The following TEC variants were observed in gnomAD, a reference collection of about 807,000 sequenced individuals.
The protein encoded by TEC is tyrosine-protein kinase Tec.
Under a neutral mutation model 93.0 loss-of-function variants are expected in TEC, and 72 were observed. That is an observed-to-expected ratio of 0.77 (90% confidence interval 0.64 to 0.94). TEC has a LOEUF of 0.94. Ranked by LOEUF, TEC falls within the 40% of genes least tolerant of loss-of-function variation. The pLI, the probability that TEC is intolerant of heterozygous loss-of-function variation, is 0.00. For synonymous variants in TEC, 249 were observed against 247.7 expected (o/e 1.01, Z -0.05); for missense variants, 630 against 757.9 (o/e 0.83, Z 1.98).
intron 8 of TEC, among the ~76,000 whole-genome samples, chr4:48,158,416 T>C (rs1720485825): frequency 6.6e-6 from 1 of 152,224 alleles, no homozygotes; most frequent in African/African-American, 2.4e-5. Context: ...AAATTGCAGT[T>C]GTGATCAATA....
At chr4:48,252,000 T>C (rs1159542940) in intron 1 of TEC, among the ~76,000 whole-genome samples, 1 of 152,160 alleles carries the variant, frequency 6.6e-6, no homozygotes, top group African/African-American at 2.4e-5. Flanking sequence ...AAAGACCAAC[T>C]GATTCTGAGA....
chr4:48,223,642 TA>T (rs1723338722), intron 2 of TEC, among the ~76,000 whole-genome samples: 1 of 152,214 alleles, frequency 6.6e-6, no homozygotes, highest in Admixed American at 6.5e-5. Flanking sequence ...TTTTTACTAC[TA>T]ATGTGCAGAA....
At chr4:48,141,685 C>CAT in intron 14 of TEC, 1 of 202,952 alleles carries the variant, frequency 4.9e-6, no homozygotes, top group Non-Finnish European at 9.2e-6. Context: ...TCTTTTCTTT[C>CAT]TTTTTTTTTT....
chr4:48,216,476 TA>T (rs1280915448), intron 2 of TEC, among the ~76,000 whole-genome samples: 2 of 151,392 alleles, frequency 1.3e-5, no homozygotes, highest in Admixed American at 1.3e-4. Context: ...CAACTCAAGT[TA>T]CACAAATTGT....
chr4:48,173,865 T>C (rs765435927), intron 3 of TEC, among the ~76,000 whole-genome samples: 5 of 152,166 alleles, frequency 3.3e-5, no homozygotes, highest in Non-Finnish European at 7.3e-5. Context: ...GGAGCAACCA[T>C]CCCATCTAGG....
chr4:48,220,093 C>T (rs138421624), intron 2 of TEC, among the ~76,000 whole-genome samples: 295 of 151,612 alleles, frequency 1.9e-3, no homozygotes, highest in Non-Finnish European at 3.0e-3. Context: ...TCACAACATA[C>T]ATAAATCCTA....
chr4:48,141,502 T>G lies in TEC; in HGVS notation c.1471-83A>C, dbSNP rs942744423. 7 of 1,375,302 alleles carry G rather than the reference T, an allele frequency of 5.1e-6. No homozygotes were observed. The African/African-American group carries it at 8.7e-5, about 17-fold the overall frequency. The allele number at this position is 1,375,302 out of a possible 1,614,324, so 85.2% of individuals were successfully genotyped here. A position where few individuals can be genotyped will look rare whatever the true frequency, so the allele number is the denominator to read the frequency against. On this transcript the variant is annotated intron_variant, in intron 14 of 17. Coordinates refer to ENST00000381501, the MANE Select transcript of TEC (RefSeq NM_003215.3). ...AAATGTAAGTTCTATTTATATTAAA[T>G]TTAGTGTAACCTAGTCAACATTTGC...
chr4:48,154,991 T>A (rs1016264707), intron 9 of TEC, among the ~76,000 whole-genome samples: 4 of 152,182 alleles, frequency 2.6e-5, no homozygotes, highest in Admixed American at 6.5e-5. Context: ...TTAATCAAGA[T>A]AAAGACTGAC....
At chr4:48,168,688 G>A in intron 5 of TEC, 62 bp from the exon 6 acceptor site, 1 of 1,555,868 alleles carries the variant, frequency 6.4e-7, no homozygotes, top group South Asian at 1.2e-5. Context: ...ATAAAAATAA[G>A]ATATGGGTAG....
At chr4:48,210,687 A>G (rs1266717016) in intron 2 of TEC, among the ~76,000 whole-genome samples, 1 of 152,252 alleles carries the variant, frequency 6.6e-6, no homozygotes, top group African/African-American at 2.4e-5. Context: ...CATGGTTCAG[A>G]GATGTCAAAC....
intron 2 of TEC, among the ~76,000 whole-genome samples, chr4:48,211,320 G>T (rs1722890229): frequency 6.6e-6 from 1 of 152,074 alleles, no homozygotes; most frequent in Admixed American, 6.6e-5. Context: ...AGTGAATTTT[G>T]GTCTTGTTTC....
chr4:48,234,394 C>T (rs1723723078), intron 1 of TEC, among the ~76,000 whole-genome samples: 1 of 152,122 alleles, frequency 6.6e-6, no homozygotes. Flanking sequence ...GGTAAAGGGA[C>T]CCCCTCCCCC....
intron 17 of TEC, among the ~76,000 whole-genome samples, chr4:48,137,781 T>G (rs1194612227): frequency 6.6e-6 from 1 of 152,218 alleles, no homozygotes; most frequent in Admixed American, 6.5e-5. Flanking sequence ...TGTAGGAGCC[T>G]CTATAATCTG....
intron 1 of TEC, among the ~76,000 whole-genome samples, chr4:48,231,031 TA>T (rs775430893): frequency 6.6e-5 from 10 of 152,234 alleles, no homozygotes; most frequent in Non-Finnish European, 1.0e-4. Context: ...TTCTCAACCT[TA>T]AGTGTGTATT....
chr4:48,204,237 A>T (rs908651168), intron 2 of TEC, among the ~76,000 whole-genome samples: 1 of 152,188 alleles, frequency 6.6e-6, no homozygotes, highest in African/African-American at 2.4e-5. Flanking sequence ...GTTCATGCTG[A>T]ACACCTGCTT....
Position 48,163,737 on chromosome 4 carries a change from T to C in TEC, c.702A>G (p.Val234=). 1 of 1,507,394 alleles carries C rather than the reference T, an allele frequency of 6.6e-7. No homozygotes were observed. Among genetic ancestry groups the C allele is most frequent in the Non-Finnish European group, 9.0e-7 (1 of 1,107,262 alleles). The allele number at this position is 1,507,394 out of a possible 1,614,324, so 93.4% of individuals were successfully genotyped here. A position where few individuals can be genotyped will look rare whatever the true frequency, so the allele number is the denominator to read the frequency against. ...CTAAGTTGTTTGATTTCTTTCCCGT[T>C]ACGTAATTACTTGGGATATATCCTT... ...GNEGYIPSNY[V]TGKKSNNLDQ... The change falls in exon 8 of 18, where the codon GTA becomes GTG. Residue 234 remains valine, a synonymous_variant. Coordinates refer to ENST00000381501, the MANE Select transcript of TEC (RefSeq NM_003215.3).
At chr4:48,240,286 A>C in intron 1 of TEC, among the ~76,000 whole-genome samples, 1 of 152,298 alleles carries the variant, frequency 6.6e-6, no homozygotes, top group Non-Finnish European at 1.5e-5. Flanking sequence ...TGTCCCAGTC[A>C]TCAAACACTT....
At chr4:48,195,789 T>C (rs1722281284) in intron 2 of TEC, among the ~76,000 whole-genome samples, 1 of 152,244 alleles carries the variant, frequency 6.6e-6, no homozygotes, top group Non-Finnish European at 1.5e-5. Flanking sequence ...CTTAGTTTGC[T>C]CTTGCTAATG....
intron 2 of TEC, among the ~76,000 whole-genome samples, chr4:48,202,057 C>T (rs976828843): frequency 2.0e-5 from 3 of 149,422 alleles, no homozygotes; most frequent in Non-Finnish European, 4.4e-5. Context: ...CCCGGGTTCA[C>T]GCCATTCTCC....
Sources: gnomAD v4.1 joint callset for allele counts (sites outside exome capture counted in the v4.1 genomes callset) on GRCh38, gnomAD v4.1.1 for gene constraint, MANE v1.5 for transcripts, NCBI Gene and HGNC (gene_info 2026-07-23, HGNC 2026-07-21) for gene names.